Variants in MYO16 observed in about 807,000 individuals in gnomAD.
MYO16 encodes myosin XVI.
MYO16 carries 94 observed loss-of-function variants against 205.3 expected under a neutral mutation model. The ratio of observed to expected loss-of-function variants is 0.46; its 90% CI spans 0.39 to 0.54. The LOEUF is 0.54. Ranked by LOEUF, MYO16 falls within the 20% of genes least tolerant of loss-of-function variation. MYO16 has a pLI of 0.00. For synonymous variants in MYO16, 988 were observed against 954.0 expected (o/e 1.04, Z -0.66); for missense variants, 2,315 against 2,387.5 (o/e 0.97, Z 0.63).
chr13:108,567,056 T>C, the MYO16 span, among the ~76,000 whole-genome samples: 1 of 152,118 alleles, frequency 6.6e-6, no homozygotes, highest in Non-Finnish European at 1.5e-5. Context: ...TGAAGATGTA[T>C]TGAATATCTT....
At chr13:108,977,193 A>G (rs185530883) in intron 20 of MYO16, among the ~76,000 whole-genome samples, 45 of 152,286 alleles carry the variant, frequency 3.0e-4, no homozygotes, top group Admixed American at 2.9e-3. Context: ...AACTATATTG[A>G]TACCTCAAGA....
intron 14 of MYO16, among the ~76,000 whole-genome samples, chr13:108,897,287 G>A (rs1594378288): frequency 6.6e-6 from 1 of 152,148 alleles, no homozygotes; most frequent in East Asian, 1.9e-4. Flanking sequence ...AGAAGCAGTG[G>A]CTTTTATTCT....
chr13:109,189,965 G>T (rs954369584), intron 34 of MYO16, among the ~76,000 whole-genome samples: 21 of 149,758 alleles, frequency 1.4e-4, no homozygotes, highest in Non-Finnish European at 2.7e-4. Flanking sequence ...TAGATGTTTT[G>T]TATTTTATAC....
At chr13:108,653,772 T>C (rs1046071426) in intron 1 of MYO16, among the ~76,000 whole-genome samples, 6 of 151,000 alleles carry the variant, frequency 4.0e-5, no homozygotes, top group African/African-American at 1.5e-4. Context: ...CACACACACA[T>C]GCATATATAT....
intron 1 of MYO16, among the ~76,000 whole-genome samples, chr13:108,619,764 T>C (rs1594148472): frequency 6.6e-6 from 1 of 152,142 alleles, no homozygotes; most frequent in Non-Finnish European, 1.5e-5. Flanking sequence ...CCTCTCCAGA[T>C]GTCTCTCCTA....
chr13:109,168,461 C>T (rs1214796712), intron 33 of MYO16, among the ~76,000 whole-genome samples: 3 of 152,200 alleles, frequency 2.0e-5, no homozygotes, highest in Non-Finnish European at 4.4e-5. Context: ...CGGTGGCTCA[C>T]GCCTGCAATC....
intron 3 of MYO16, among the ~76,000 whole-genome samples, chr13:108,727,192 T>C (rs1884369405): frequency 6.6e-6 from 1 of 152,070 alleles, no homozygotes; most frequent in Admixed American, 6.6e-5. Context: ...AGTACTTTTT[T>C]CGACCTTCCT....
Position 109,207,118 on chromosome 13 carries a change from GAA to G in MYO16, c.*285_*286del, listed in dbSNP as rs982156287. ...CCCTAGGTAGCAAGAGAGAGGCTGG[GAA>G]AAGTGTGGACGTGGCCAGAGCGAGA... On this transcript the variant is annotated 3_prime_UTR_variant, in exon 35 of 35. Coordinates refer to ENST00000457511, the MANE Select transcript of MYO16 (RefSeq NM_001198950.3). 4 of 400,348 alleles carry G rather than the reference GAA, an allele frequency of 1.0e-5. No individual in the cohort carries two copies. Among genetic ancestry groups the G allele is most frequent in the African/African-American group, 6.0e-5 (3 of 49,828 alleles). 24.8% of individuals were successfully genotyped at this position (400,348 alleles called of 1,614,324 possible). A position where few individuals can be genotyped will look rare whatever the true frequency, so the allele number is the denominator to read the frequency against.
At chr13:108,695,739 G>A (rs933834624) in intron 2 of MYO16, among the ~76,000 whole-genome samples, 1 of 151,780 alleles carries the variant, frequency 6.6e-6, no homozygotes, top group South Asian at 2.1e-4. Flanking sequence ...ATATTCACTT[G>A]GTATAAATAA....
At chr13:109,170,731 A>C (rs1274976939) in intron 33 of MYO16, among the ~76,000 whole-genome samples, 1 of 152,094 alleles carries the variant, frequency 6.6e-6, no homozygotes, top group Non-Finnish European at 1.5e-5. Flanking sequence ...AACCAAGGAA[A>C]CAAGCAGAAA....
At chr13:108,702,967 A>G (rs1883366594) in intron 2 of MYO16, among the ~76,000 whole-genome samples, 1 of 152,162 alleles carries the variant, frequency 6.6e-6, no homozygotes, top group Admixed American at 6.5e-5. Flanking sequence ...TCAAAATGAC[A>G]TGTAAATTAG....
intron 4 of MYO16, among the ~76,000 whole-genome samples, chr13:108,733,603 AT>A (rs2139596238): frequency 6.6e-6 from 1 of 152,298 alleles, no homozygotes; most frequent in South Asian, 2.1e-4. Flanking sequence ...ATTATCATAC[AT>A]TTATTTTTAA....
At chr13:108,914,270 CTAT>C (rs1280422108) in intron 16 of MYO16, among the ~76,000 whole-genome samples, 1 of 150,670 alleles carries the variant, frequency 6.6e-6, no homozygotes, top group African/African-American at 2.4e-5. Flanking sequence ...AGTATATCTA[CTAT>C]TATTAAGAAT....
chr13:108,505,923 T>C, the MYO16 span, among the ~76,000 whole-genome samples: 1 of 152,206 alleles, frequency 6.6e-6, no homozygotes, highest in East Asian at 1.9e-4. Context: ...GATACTATTC[T>C]TTCCCCATTG....
intron 19 of MYO16, among the ~76,000 whole-genome samples, chr13:108,963,209 A>T (rs1484408183): frequency 6.6e-6 from 1 of 152,200 alleles, no homozygotes; most frequent in Middle Eastern, 3.2e-3. Context: ...GTGAGAACTC[A>T]CCATTCATCT....
intron 4 of MYO16, among the ~76,000 whole-genome samples, chr13:108,744,691 A>G (rs1450886487): frequency 6.6e-6 from 1 of 152,192 alleles, no homozygotes; most frequent in African/African-American, 2.4e-5. Context: ...CTTACTTCAT[A>G]TATCTCACTT....
intron 4 of MYO16, among the ~76,000 whole-genome samples, chr13:108,781,042 T>C (rs905769408): frequency 6.6e-6 from 1 of 152,240 alleles, no homozygotes; most frequent in African/African-American, 2.4e-5. Context: ...TACATCTCTT[T>C]CAATGCCAAG....
intron 31 of MYO16, among the ~76,000 whole-genome samples, chr13:109,137,161 C>T (rs532854803): frequency 2.7e-4 from 41 of 152,320 alleles, no homozygotes; most frequent in Admixed American, 6.5e-5. Context: ...ACAGTGCCCA[C>T]AGCATGGCTG....
At chr13:108,888,791 A>C (rs7139632) in intron 14 of MYO16, among the ~76,000 whole-genome samples, 9 of 152,164 alleles carry the variant, frequency 5.9e-5, no homozygotes, top group African/African-American at 2.2e-4. Context: ...GCAGGGGCTC[A>C]CGACTATAAT....
Sources: allele counts gnomAD v4.1 joint callset (sites outside exome capture counted in the v4.1 genomes callset), GRCh38; gene constraint gnomAD v4.1.1; transcripts MANE v1.5; gene names NCBI Gene and HGNC (gene_info 2026-07-23, HGNC 2026-07-21).